PPP2R2B: variants seen among roughly 807,000 people sequenced by gnomAD.
The protein encoded by PPP2R2B is serine/threonine-protein phosphatase 2A 55 kDa regulatory subunit B beta isoform.
A neutral mutation model predicts 46.0 loss-of-function variants in PPP2R2B; 5 were observed. The ratio of observed to expected loss-of-function variants is 0.11; its 90% CI spans 0.06 to 0.23. The LOEUF is 0.23. Ranked by LOEUF, PPP2R2B falls within the 10% of genes least tolerant of loss-of-function variation. The pLI is 1.00. For missense variants in PPP2R2B, 367 were observed against 575.0 expected, an observed-to-expected ratio of 0.64 and a Z score of 3.70; for synonymous variants, 215 against 206.7, an observed-to-expected ratio of 1.04 and a Z score of -0.34.
rs192762827 is a variant in PPP2R2B at position 146,625,154 on chromosome 5, C to T, written c.790+13097G>A. Reference sequence around the variant, plus strand: ...TTTCTTTTACTTTGCCTGCAAACACCAAAACTTATGTTCTAGTTTTCCAAT... The same window carrying T: ...TTTCTTTTACTTTGCCTGCAAACACTAAAACTTATGTTCTAGTTTTCCAAT... On this transcript the variant is annotated intron_variant, in intron 7 of 9. Coordinates refer to ENST00000394411, the MANE Select transcript of PPP2R2B (RefSeq NM_181675.4). Among the ~76,000 whole-genome samples the T allele has an allele frequency of 1.6e-4, 24 of 152,294 alleles. 1 individual carries two copies. The East Asian group carries it at 4.1e-3, about 26-fold the overall frequency.
intron 2 of PPP2R2B, among the ~76,000 whole-genome samples, chr5:146,743,476 C>T (rs143276251): frequency 9.2e-5 from 14 of 152,278 alleles, no homozygotes; most frequent in African/African-American, 3.4e-4. Flanking sequence ...GAGGTGGCTG[C>T]TACTCACCTA....
chr5:146,992,695 G>T (rs6874143), intron 1 of PPP2R2B, among the ~76,000 whole-genome samples: 50,816 of 152,102 alleles, frequency 0.33, 11,050 homozygotes, highest in Non-Finnish European at 0.48. Context: ...CAACATAGTT[G>T]GGATAAAGTC....
intron 7 of PPP2R2B, 93 bp downstream of exon 7, chr5:146,638,158 G>T: frequency 2.3e-6 from 3 of 1,313,024 alleles, no homozygotes; most frequent in Non-Finnish European, 3.1e-6. Flanking sequence ...TAGTGTGTCT[G>T]GTGTAGAAAG....
chr5:146,857,008 G>A (rs1158536422), intron 2 of PPP2R2B, among the ~76,000 whole-genome samples: 1 of 152,176 alleles, frequency 6.6e-6, no homozygotes, highest in Non-Finnish European at 1.5e-5. Flanking sequence ...GAAAACAGCT[G>A]CTGTATGACC....
At chr5:146,615,498 A>G (rs1181816616) in intron 7 of PPP2R2B, among the ~76,000 whole-genome samples, 1 of 134,358 alleles carries the variant, frequency 7.4e-6, no homozygotes, top group Non-Finnish European at 1.5e-5. Context: ...AACTTAGAGT[A>G]TAATAAAAAA....
chr5:146,786,169 T>C (rs1288719203), intron 2 of PPP2R2B, among the ~76,000 whole-genome samples: 2 of 152,122 alleles, frequency 1.3e-5, no homozygotes, highest in Admixed American at 6.5e-5. Flanking sequence ...AATTACTATA[T>C]ATCAATAAAA....
chr5:146,872,740 A>C (rs1761687384), intron 2 of PPP2R2B, among the ~76,000 whole-genome samples: 1 of 152,190 alleles, frequency 6.6e-6, no homozygotes, highest in Non-Finnish European at 1.5e-5. Flanking sequence ...CATTGCTGAG[A>C]AATGGCCATA....
chr5:147,063,423 C>T (rs992822155), intron 2 of PPP2R2B, among the ~76,000 whole-genome samples: 1 of 152,100 alleles, frequency 6.6e-6, no homozygotes, highest in Non-Finnish European at 1.5e-5. Flanking sequence ...ATTTCAGTTG[C>T]TGTATTTGGG....
chr5:146,586,577 TATTTC>T lies in PPP2R2B; in HGVS notation c.*3365_*3369del, dbSNP rs1443020789. 6.6e-6 allele frequency: 1 copy of T among 152,232 alleles called. No individual in the cohort carries two copies. The highest frequency in any genetic ancestry group is 1.5e-5 in the Non-Finnish European group (1 of 68,044). 9.4% of individuals were successfully genotyped at this position (152,232 alleles called of 1,614,324 possible). ...GGAAGTTTAGTGGAGATAGCTGACT[TATTTC>T]ATTGGGCCACTGAGCTAGCAGAATT... On this transcript the variant is annotated 3_prime_UTR_variant, in exon 10 of 10. Transcript: ENST00000394411.
chr5:146,682,301 T>C (rs1437069246), intron 5 of PPP2R2B, among the ~76,000 whole-genome samples: 1 of 152,162 alleles, frequency 6.6e-6, no homozygotes, highest in African/African-American at 2.4e-5. Context: ...AACTTTTCAA[T>C]ATATTCATCA....
At chr5:146,752,733 C>G (rs964393937) in intron 2 of PPP2R2B, among the ~76,000 whole-genome samples, 1 of 151,748 alleles carries the variant, frequency 6.6e-6, no homozygotes, top group Non-Finnish European at 1.5e-5. Context: ...CTGTGGCAGG[C>G]ACTGTGCCAG....
upstream of PPP2R2B, among the ~76,000 whole-genome samples, chr5:147,058,314 TG>T (rs1757154812): frequency 6.6e-6 from 1 of 152,226 alleles, no homozygotes; most frequent in Non-Finnish European, 1.5e-5. Context: ...AAAGGCATTA[TG>T]GAATTTATAG....
chr5:147,011,100 C>G (rs1580798354), intron 1 of PPP2R2B, among the ~76,000 whole-genome samples: 1 of 152,232 alleles, frequency 6.6e-6, no homozygotes, highest in East Asian at 1.9e-4. Flanking sequence ...CTTCTTCAGC[C>G]CACTCCAACC....
At position 146,589,600 on chromosome 5, in the gene PPP2R2B, A is replaced by G. The variant is rs1310705164; in HGVS notation, c.*347T>C. 5.0e-6 allele frequency: 1 copy of G among 200,402 alleles called. No individual in the cohort carries two copies. The highest frequency in any genetic ancestry group is 1.2e-4 in the East Asian group (1 of 8,330). 12.4% of individuals were successfully genotyped at this position (200,402 alleles called of 1,614,324 possible). A position where few individuals can be genotyped will look rare whatever the true frequency, so the allele number is the denominator to read the frequency against. ...AAACTTATCTCTTTTCTCCTTAAAT[A>G]CTACAGACAACCTCATTTTATCGCA... On this transcript the variant is annotated 3_prime_UTR_variant, in exon 10 of 10. Coordinates refer to ENST00000394411, the MANE Select transcript of PPP2R2B (RefSeq NM_181675.4).
chr5:146,685,630 A>AG (rs1409534758), intron 5 of PPP2R2B, among the ~76,000 whole-genome samples: 12 of 152,218 alleles, frequency 7.9e-5, no homozygotes, highest in Non-Finnish European at 7.3e-5. Flanking sequence ...ACTGAATGCC[A>AG]GTTGGCCAGT....
chr5:146,825,167 C>T (rs757404844), intron 2 of PPP2R2B, among the ~76,000 whole-genome samples: 1 of 152,144 alleles, frequency 6.6e-6, no homozygotes, highest in Non-Finnish European at 1.5e-5. Flanking sequence ...TTCACAGAGC[C>T]GACGTTATCA....
chr5:146,638,461 A>G, intron 6 of PPP2R2B, 46 bp from the exon 7 acceptor site: 1 of 1,526,322 alleles, frequency 6.6e-7, no homozygotes. Flanking sequence ...GGAGGCAGGA[A>G]CTTGGGGAAG....
At chr5:146,874,672 T>C (rs1251293351) in intron 2 of PPP2R2B, among the ~76,000 whole-genome samples, 1 of 152,124 alleles carries the variant, frequency 6.6e-6, no homozygotes, top group Non-Finnish European at 1.5e-5. Flanking sequence ...CATTTGAAAG[T>C]AGGAAGATTA....
At chr5:146,982,681 A>G (rs1475117016) in intron 1 of PPP2R2B, among the ~76,000 whole-genome samples, 1 of 152,208 alleles carries the variant, frequency 6.6e-6, no homozygotes, top group Non-Finnish European at 1.5e-5. Flanking sequence ...CCTTTCAATT[A>G]TATGAGTTTT....
Sources: allele counts gnomAD v4.1 joint callset (sites outside exome capture counted in the v4.1 genomes callset), GRCh38; gene constraint gnomAD v4.1.1; transcripts MANE v1.5; gene names NCBI Gene and HGNC (gene_info 2026-07-23, HGNC 2026-07-21).